NSRP1: variants seen among roughly 807,000 people sequenced by gnomAD.
NSRP1 encodes coiled-coil domain containing 55.
A neutral mutation model predicts 54.7 loss-of-function variants in NSRP1; 24 were observed. The observed-to-expected ratio is 0.44, with a 90% CI of 0.32 to 0.62. NSRP1 has a LOEUF of 0.62. Ranked by LOEUF, NSRP1 falls within the 20% of genes least tolerant of loss-of-function variation. The pLI, the probability that NSRP1 is intolerant of heterozygous loss-of-function variation, is 0.06. For missense variants in NSRP1, 596 were observed against 651.2 expected, an observed-to-expected ratio of 0.92 and a Z score of 0.92; for synonymous variants, 210 against 213.8, an observed-to-expected ratio of 0.98 and a Z score of 0.15.
chr17:30,170,214 T>C (rs1433342388), intron 2 of NSRP1, among the ~76,000 whole-genome samples: 2 of 152,168 alleles, frequency 1.3e-5, no homozygotes, highest in African/African-American at 4.8e-5. Context: ...AAAAATTAAT[T>C]GTGCATATTA....
At chr17:30,158,543 A>G (rs1904398044) in intron 2 of NSRP1, among the ~76,000 whole-genome samples, 1 of 151,990 alleles carries the variant, frequency 6.6e-6, no homozygotes, top group Non-Finnish European at 1.5e-5. Flanking sequence ...TGCCTCAACC[A>G]GTGTCCCTGG....
At chr17:30,133,758 A>T (rs946420343) in intron 2 of NSRP1, among the ~76,000 whole-genome samples, 2 of 152,226 alleles carry the variant, frequency 1.3e-5, no homozygotes, top group Non-Finnish European at 1.5e-5. Flanking sequence ...AACTTACTGC[A>T]GCTTCTAAAT....
intron 2 of NSRP1, among the ~76,000 whole-genome samples, chr17:30,138,916 T>TTTG (rs1555578488): frequency 1.5e-5 from 2 of 129,492 alleles, no homozygotes; most frequent in Non-Finnish European, 3.3e-5. Flanking sequence ...AGCGTTTTTT[T>TTTG]TTTTTTTTTT....
In NSRP1 at chr17:30,176,011, A is replaced by C. The variant is rs548077825; in HGVS notation, c.172-2060A>C. On this transcript the variant is annotated intron_variant, in intron 3 of 6. Coordinates refer to ENST00000247026, the MANE Select transcript of NSRP1 (RefSeq NM_032141.4). The stretch of plus-strand genomic sequence containing the variant: ...GAGCAAGACTCCGAACCCCCCCCCC[A>C]AAAAAAAAGAAAAAAGAAAATGTTC... Among the ~76,000 whole-genome samples, 386 of 149,428 alleles carry C rather than the reference A, an allele frequency of 2.6e-3. 2 individuals carry two copies. The highest frequency in any genetic ancestry group is 9.2e-3 in the African/African-American group (374 of 40,656).
intron 2 of NSRP1, among the ~76,000 whole-genome samples, chr17:30,146,909 ATAGT>A (rs1227143838): frequency 2.6e-5 from 4 of 152,186 alleles, no homozygotes; most frequent in Admixed American, 2.6e-4. Context: ...ATTTACTGTA[ATAGT>A]TTGTTTAAAC....
chr17:30,132,203 A>C (rs1041704114), intron 2 of NSRP1, among the ~76,000 whole-genome samples: 2 of 151,072 alleles, frequency 1.3e-5, no homozygotes, highest in Non-Finnish European at 2.9e-5. Flanking sequence ...AGCTGAGATC[A>C]TACCACTGCA....
At chr17:30,141,863 G>A (rs949583532) in intron 2 of NSRP1, among the ~76,000 whole-genome samples, 2 of 152,158 alleles carry the variant, frequency 1.3e-5, no homozygotes, top group Non-Finnish European at 2.9e-5. Context: ...AATTAGCTGG[G>A]CATGGTGGCC....
chr17:30,148,331 G>C lies in NSRP1; in HGVS notation c.115-24211G>C, dbSNP rs180815066. Among the ~76,000 whole-genome samples the C allele has an allele frequency of 5.9e-5, 9 of 152,242 alleles. No homozygotes were observed. In the South Asian group the frequency reaches 1.0e-3, roughly 18 times the overall value. ...ACTCAATTCACTAAAACTTGATTTA[G>C]GGTTTTCAAACATCTATGTCTATAA... is the stretch of plus-strand genomic sequence containing the variant. On this transcript the variant is annotated intron_variant, in intron 2 of 6. Coordinates refer to ENST00000247026, the MANE Select transcript of NSRP1 (RefSeq NM_032141.4).
chr17:30,144,266 A>ATTT (rs1205598841), intron 2 of NSRP1: 362 of 139,680 alleles, frequency 2.6e-3, no homozygotes, highest in Middle Eastern at 7.4e-3. Flanking sequence ...TATTATTATT[A>ATTT]TTATTTTTTT....
chr17:30,139,238 C>T (rs983799810), intron 2 of NSRP1, among the ~76,000 whole-genome samples: 1 of 151,932 alleles, frequency 6.6e-6, no homozygotes, highest in Non-Finnish European at 1.5e-5. Context: ...TTTTTTAATC[C>T]GGGTTTTTGT....
In NSRP1 at chr17:30,185,991, C is replaced by T. The variant is rs1905522194; in HGVS notation, c.*317C>T. ...ACAACCATTAAAAAATAATTTTGGC[C>T]AGATACGGTAGCTCGTGCCTGTAAT... On this transcript the variant is annotated 3_prime_UTR_variant, in exon 7 of 7. Coordinates refer to ENST00000247026, the MANE Select transcript of NSRP1 (RefSeq NM_032141.4). The T allele has an allele frequency of 5.4e-6, 1 of 183,498 alleles. No individual in the cohort carries two copies. Among genetic ancestry groups the T allele is most frequent in the Non-Finnish European group, 1.1e-5 (1 of 89,592 alleles). 11.4% of individuals were successfully genotyped at this position (183,498 alleles called of 1,614,324 possible). A position where few individuals can be genotyped will look rare whatever the true frequency, so the allele number is the denominator to read the frequency against.
At chr17:30,159,288 CT>C (rs1364102646) in intron 2 of NSRP1, among the ~76,000 whole-genome samples, 1 of 152,004 alleles carries the variant, frequency 6.6e-6, no homozygotes, top group Admixed American at 6.6e-5. Context: ...GAAAGTTATA[CT>C]GATTTTTCAT....
chr17:30,140,307 C>T (rs886634020), intron 2 of NSRP1, among the ~76,000 whole-genome samples: 1 of 152,028 alleles, frequency 6.6e-6, no homozygotes, highest in Non-Finnish European at 1.5e-5. Context: ...CTTGTAATTT[C>T]CACTGTGGTA....
intron 2 of NSRP1, among the ~76,000 whole-genome samples, chr17:30,152,069 G>A (rs566886421): frequency 1.0e-3 from 158 of 150,644 alleles, no homozygotes; most frequent in African/African-American, 3.7e-3. Context: ...CACCTGGTGT[G>A]TTTGTCACTT....
chr17:30,159,230 T>C (rs1904422813), intron 2 of NSRP1, among the ~76,000 whole-genome samples: 2 of 152,184 alleles, frequency 1.3e-5, no homozygotes, highest in Non-Finnish European at 2.9e-5. Flanking sequence ...TTTGGAAATA[T>C]GATTGCTTTC....
chr17:30,143,197 CAG>C (rs1360205391), intron 2 of NSRP1, among the ~76,000 whole-genome samples: 1 of 152,066 alleles, frequency 6.6e-6, no homozygotes, highest in Non-Finnish European at 1.5e-5. Flanking sequence ...TGTTGTCAGA[CAG>C]AAAGCAATAA....
At chr17:30,159,867 G>C (rs1391932361) in intron 2 of NSRP1, among the ~76,000 whole-genome samples, 1 of 152,036 alleles carries the variant, frequency 6.6e-6, no homozygotes, top group East Asian at 1.9e-4. Flanking sequence ...TCACCATGTT[G>C]GCCAGGCTGG....
At chr17:30,144,376 T>G (rs2071834356) in intron 2 of NSRP1, 1 of 152,054 alleles carries the variant, frequency 6.6e-6, no homozygotes, top group African/African-American at 2.4e-5. Flanking sequence ...TTCTCCTGCC[T>G]CAGCCTCCTG....
At chr17:30,167,390 C>T (rs1904772757) in intron 2 of NSRP1, among the ~76,000 whole-genome samples, 1 of 152,162 alleles carries the variant, frequency 6.6e-6, no homozygotes, top group South Asian at 2.1e-4. Context: ...GCAGGTGGAT[C>T]ATGAGGTCAG....
Sources: allele counts gnomAD v4.1 joint callset (sites outside exome capture counted in the v4.1 genomes callset), GRCh38; gene constraint gnomAD v4.1.1; transcripts MANE v1.5; gene names NCBI Gene and HGNC (gene_info 2026-07-23, HGNC 2026-07-21).